The following SLC71A2 variants were observed in gnomAD, a reference collection of about 807,000 sequenced individuals.
The protein encoded by SLC71A2 is hippocampus abundant transcript-like 1.
chr9:94,384,174 T>C, the SLC71A2 span, among the ~76,000 whole-genome samples: 1 of 152,184 alleles, frequency 6.6e-6, no homozygotes, highest in African/African-American at 2.4e-5. Flanking sequence ...TCCCATTCCC[T>C]GACAACCACC....
the SLC71A2 span, among the ~76,000 whole-genome samples, chr9:94,418,821 T>C: frequency 6.7e-6 from 1 of 150,186 alleles, no homozygotes; most frequent in Non-Finnish European, 1.5e-5. Context: ...CTCAAACTCC[T>C]GGGCTCAGGC....
At chr9:94,433,748 C>T in the SLC71A2 span, among the ~76,000 whole-genome samples, 1 of 152,186 alleles carries the variant, frequency 6.6e-6, no homozygotes, top group East Asian at 1.9e-4. Flanking sequence ...TGGAATAATC[C>T]TCACAAAACC....
chr9:94,433,067 T>TA, the SLC71A2 span: 3 of 379,666 alleles, frequency 7.9e-6, no homozygotes, highest in Non-Finnish European at 1.0e-5. Flanking sequence ...CCTGGGGTGC[T>TA]ACTCTCATAC....
chr9:94,375,147 G>A, the SLC71A2 span, among the ~76,000 whole-genome samples: 2 of 151,980 alleles, frequency 1.3e-5, no homozygotes, highest in Non-Finnish European at 2.9e-5. Context: ...TTCAAAAGGC[G>A]CTAGACATGG....
At chr9:94,415,437 C>CT in the SLC71A2 span, among the ~76,000 whole-genome samples, 1 of 151,508 alleles carries the variant, frequency 6.6e-6, no homozygotes, top group East Asian at 1.9e-4. Context: ...CAAAACACCT[C>CT]TTTAAATATT....
the SLC71A2 span, among the ~76,000 whole-genome samples, chr9:94,391,497 C>T: frequency 1.3e-5 from 2 of 151,666 alleles, no homozygotes; most frequent in Non-Finnish European, 2.9e-5. Flanking sequence ...AGTACTATCA[C>T]TAGAGAAGTC....
the SLC71A2 span, among the ~76,000 whole-genome samples, chr9:94,387,036 C>T: frequency 2.6e-5 from 4 of 151,800 alleles, no homozygotes; most frequent in East Asian, 2.0e-4. Flanking sequence ...ATGAATATTA[C>T]TATTTTGCCC....
the SLC71A2 span, among the ~76,000 whole-genome samples, chr9:94,397,184 T>C: frequency 1.3e-5 from 2 of 152,236 alleles, no homozygotes; most frequent in African/African-American, 4.8e-5. Context: ...AGAATAGTTT[T>C]ATATCCACAG....
the SLC71A2 span, among the ~76,000 whole-genome samples, chr9:94,422,795 T>C: frequency 6.6e-6 from 1 of 152,252 alleles, no homozygotes; most frequent in South Asian, 2.1e-4. Flanking sequence ...TTTAAAAAAT[T>C]GGGTTGTGTC....
chr9:94,456,108 T>G, the SLC71A2 span: 1 of 594,050 alleles, frequency 1.7e-6, no homozygotes, highest in Non-Finnish European at 2.9e-6. Context: ...AATGCATTTT[T>G]AAAGAGGAAA....
At chr9:94,405,060 A>C in the SLC71A2 span, among the ~76,000 whole-genome samples, 3 of 152,062 alleles carry the variant, frequency 2.0e-5, no homozygotes, top group African/African-American at 7.2e-5. Context: ...TTTAATGTGG[A>C]TATCCAGTTT....
the SLC71A2 span, chr9:94,429,317 G>A: frequency 6.6e-7 from 1 of 1,508,518 alleles, no homozygotes; most frequent in Non-Finnish European, 8.9e-7. Flanking sequence ...GTTTAACTCT[G>A]GAAGTTTTAG....
At chr9:94,428,386 G>C in the SLC71A2 span, among the ~76,000 whole-genome samples, 1 of 128,174 alleles carries the variant, frequency 7.8e-6, no homozygotes, top group African/African-American at 3.2e-5. Flanking sequence ...GGCAGGTAGA[G>C]TTCAAATGTC....
chr9:94,458,318 T>G, the SLC71A2 span: 2 of 1,604,880 alleles, frequency 1.2e-6, no homozygotes, highest in African/African-American at 2.7e-5. Context: ...TTGTTCTGAT[T>G]TAGGAGTTGC....
the SLC71A2 span, chr9:94,445,226 T>TAGA: frequency 6.8e-7 from 1 of 1,476,788 alleles, no homozygotes; most frequent in Non-Finnish European, 9.3e-7. Context: ...AATGTCTTTC[T>TAGA]AAGCCAAGCA....
chr9:94,404,066 T>C, the SLC71A2 span, among the ~76,000 whole-genome samples: 1 of 152,176 alleles, frequency 6.6e-6, no homozygotes, highest in African/African-American at 2.4e-5. Flanking sequence ...GTGAGGATGC[T>C]GTAAGACTGT....
At chr9:94,397,482 GTTT>G in the SLC71A2 span, among the ~76,000 whole-genome samples, 3 of 73,412 alleles carry the variant, frequency 4.1e-5, no homozygotes, top group South Asian at 4.2e-4. Flanking sequence ...TTGGGAGAGT[GTTT>G]GGAAAAAAAA....
the SLC71A2 span, among the ~76,000 whole-genome samples, chr9:94,381,275 A>G: frequency 6.7e-6 from 1 of 150,232 alleles, no homozygotes; most frequent in East Asian, 1.9e-4. Flanking sequence ...ACCTCAGACC[A>G]TCCGCCCGCC....
chr9:94,388,246 A>T, the SLC71A2 span, among the ~76,000 whole-genome samples: 1 of 152,170 alleles, frequency 6.6e-6, no homozygotes, highest in African/African-American at 2.4e-5. Flanking sequence ...TGTGAAGATT[A>T]TTTTTAGCTT....
Sources: allele counts gnomAD v4.1 joint callset (sites outside exome capture counted in the v4.1 genomes callset), GRCh38; gene constraint gnomAD v4.1.1; transcripts MANE v1.5; gene names NCBI Gene and HGNC (gene_info 2026-07-23, HGNC 2026-07-21).